UNC80: variants seen among roughly 807,000 people sequenced by gnomAD.
UNC80 encodes protein unc-80 homolog.
A neutral mutation model predicts 384.6 loss-of-function variants in UNC80; 164 were observed. The ratio of observed to expected loss-of-function variants is 0.43; its 90% CI spans 0.38 to 0.49. The LOEUF (loss-of-function observed/expected upper bound fraction) is 0.49. Among genes scored for constraint, UNC80 ranks in the 20% least tolerant of loss-of-function variants. The pLI is 0.00. For missense variants in UNC80, 3,330 were observed against 4,143.0 expected (o/e 0.80, Z 5.39); for synonymous variants, 1,486 against 1,527.8 (o/e 0.97, Z 0.64).
chr2:209,881,217 T>G (rs1229256003), intron 25 of UNC80, 123 bp downstream of exon 25: 1 of 1,124,588 alleles, frequency 8.9e-7, no homozygotes, highest in Non-Finnish European at 1.2e-6. Context: ...ATTTTAAAAA[T>G]TCAACCAAGG....
intron 28 of UNC80, among the ~76,000 whole-genome samples, chr2:209,898,301 T>TA (rs1436423149): frequency 6.6e-6 from 1 of 152,256 alleles, no homozygotes; most frequent in East Asian, 1.9e-4. Flanking sequence ...TTGACACGGA[T>TA]ACTCAGATGA....
intron 48 of UNC80, 153 bp downstream of exon 48, chr2:209,954,423 G>T: frequency 1.7e-6 from 1 of 592,078 alleles, no homozygotes; most frequent in Non-Finnish European, 2.6e-6. Context: ...TTATAACTGT[G>T]AACAGTTCGT....
At chr2:209,816,724 T>G (rs2079766450) in intron 9 of UNC80, among the ~76,000 whole-genome samples, 185 bp from the exon 10 acceptor site, 1 of 152,196 alleles carries the variant, frequency 6.6e-6, no homozygotes, top group African/African-American at 2.4e-5. Context: ...GCCTTTTACT[T>G]AGTTTCTTTC....
At chr2:209,817,783 C>T in intron 10 of UNC80, 29 bp from the exon 11 acceptor site, 1 of 1,550,962 alleles carries the variant, frequency 6.4e-7, no homozygotes, top group Non-Finnish European at 8.7e-7. Flanking sequence ...TTTTAAAACC[C>T]TCTTGTGGGG....
intron 61 of UNC80, among the ~76,000 whole-genome samples, chr2:209,991,579 T>C (rs1441112940): frequency 6.6e-6 from 1 of 152,212 alleles, no homozygotes; most frequent in Non-Finnish European, 1.5e-5. Context: ...AGCTATACTT[T>C]GCCAGCCTTT....
Position 209,833,299 on chromosome 2 carries a change from C to T in UNC80, c.2776-703C>T, listed in dbSNP as rs565218065. Among the ~76,000 whole-genome samples, 285 of 140,576 alleles carry T rather than the reference C, an allele frequency of 2.0e-3. 2 individuals carry two copies. Among genetic ancestry groups the T allele is most frequent in the African/African-American group, 7.3e-3 (265 of 36,360 alleles). 92.2% of individuals were successfully genotyped at this position (140,576 alleles called of 152,430 possible). A position where few individuals can be genotyped will look rare whatever the true frequency, so the allele number is the denominator to read the frequency against. The stretch of plus-strand genomic sequence containing the variant: ...GGCAAAAAAAAAAAAAAAAAAAATA[C>T]AGTAACTACCTTCTTCATGAGCAGA... On this transcript the variant is annotated intron_variant, in intron 16 of 64. Transcript: ENST00000673920.
chr2:209,977,081 G>A lies in UNC80; in HGVS notation c.8938+3G>A. On this transcript the variant is annotated splice_donor_region_variant and intron_variant, in intron 58 of 64. Coordinates refer to ENST00000673920, the MANE Select transcript of UNC80 (RefSeq NM_001371986.1). ...AGAGGCAGTTCATAGTGGATCAGGT[G>A]AGTGTGCATGAGAGTGTTGTGAATT... 6.7e-7 allele frequency: 1 copy of A among 1,491,040 alleles called. No individual in the cohort carries two copies. 92.4% of individuals were successfully genotyped at this position (1,491,040 alleles called of 1,614,324 possible). A position where few individuals can be genotyped will look rare whatever the true frequency, so the allele number is the denominator to read the frequency against.
At chr2:209,828,445 T>C (rs2153828366) in intron 14 of UNC80, among the ~76,000 whole-genome samples, 1 of 152,274 alleles carries the variant, frequency 6.6e-6, no homozygotes, top group Middle Eastern at 3.4e-3. Flanking sequence ...GATGGAGAGA[T>C]TATAACAAAG....
At chr2:209,940,443 C>T (rs1037628672) in intron 43 of UNC80, among the ~76,000 whole-genome samples, 1 of 152,180 alleles carries the variant, frequency 6.6e-6, no homozygotes, top group Non-Finnish European at 1.5e-5. Flanking sequence ...ACTTTGGAGC[C>T]TCGCTCTGTT....
rs756075401 is a variant in UNC80, at chr2:209,786,085, G to A, written c.620G>A (p.Arg207His). 4 of 1,613,634 alleles carry A rather than the reference G, an allele frequency of 2.5e-6. No individual in the cohort carries two copies. The highest frequency in any genetic ancestry group is 2.2e-5 in the East Asian group (1 of 44,884). ...CCCTAGGAATCTGACCTCACCTTCC[G>A]TCTGGCCAGTGGGCTTGTTATATGG... ...HRIKESDLTF[R>H]LASGLVIWQP... The change falls in exon 5 of 65, where the codon CGT (arginine) becomes CAT (histidine). Residue 207 changes from arginine (R) to histidine (H), a missense_variant. Arg to His is a conservative substitution (Grantham distance 29). Coordinates refer to ENST00000673920, the MANE Select transcript of UNC80 (RefSeq NM_001371986.1).
intron 51 of UNC80, among the ~76,000 whole-genome samples, chr2:209,964,943 CTGAA>C (rs2092702580): frequency 6.6e-6 from 1 of 151,970 alleles, no homozygotes; most frequent in Admixed American, 6.6e-5. Flanking sequence ...TGAAAACTGA[CTGAA>C]TATTTGGGTT....
In UNC80 at chr2:209,854,964, A is replaced by G. The variant is rs187086559; in HGVS notation, c.3627+5341A>G. ...TTACTGGGTATATACCCAAAGGACT[A>G]TAAGTCATTCTACTGTAAAAACACA... On this transcript the variant is annotated intron_variant, in intron 22 of 64. Transcript: ENST00000673920. 3.2e-3 allele frequency among the ~76,000 whole-genome samples: 486 copies of G among 152,354 alleles called. 4 individuals carry two copies. Among genetic ancestry groups the G allele is most frequent in the Non-Finnish European group, 5.1e-3 (347 of 68,022 alleles).
At chr2:209,783,198 G>C (rs530229396) in intron 4 of UNC80, among the ~76,000 whole-genome samples, 1 of 152,132 alleles carries the variant, frequency 6.6e-6, no homozygotes, top group Non-Finnish European at 1.5e-5. Flanking sequence ...TTGCCTCTAC[G>C]TGTACTTACA....
intron 24 of UNC80, among the ~76,000 whole-genome samples, chr2:209,879,454 C>T (rs959756601): frequency 1.3e-5 from 2 of 152,116 alleles, no homozygotes; most frequent in African/African-American, 4.8e-5. Flanking sequence ...AGGTAGAACT[C>T]AATCCTTGTT....
At chr2:209,838,600 T>C (rs898667797) in intron 18 of UNC80, among the ~76,000 whole-genome samples, 1 of 152,182 alleles carries the variant, frequency 6.6e-6, no homozygotes, top group Non-Finnish European at 1.5e-5. Flanking sequence ...TCAAGTATGA[T>C]ACTATACTGG....
chr2:209,870,401 A>G (rs2084192399), intron 22 of UNC80, among the ~76,000 whole-genome samples: 1 of 152,180 alleles, frequency 6.6e-6, no homozygotes. Context: ...AAGAATGTAG[A>G]TATTTAGTCT....
chr2:209,977,949 G>A lies in UNC80; in HGVS notation c.8939-580G>A, dbSNP rs371894302. ...TTTTATTGTTCTTTGCAGACAATGT[G>A]GTAAAAACAAAAAATTGACAGGTAT... On this transcript the variant is annotated intron_variant, in intron 58 of 64. Transcript: ENST00000673920. Among the ~76,000 whole-genome samples the A allele has an allele frequency of 2.4e-4, 37 of 152,056 alleles. No homozygotes were observed. The East Asian group carries it at 4.4e-3, about 18-fold the overall frequency.
intron 51 of UNC80, among the ~76,000 whole-genome samples, chr2:209,966,113 T>G (rs1442572726): frequency 6.6e-6 from 1 of 152,118 alleles, no homozygotes; most frequent in Non-Finnish European, 1.5e-5. Flanking sequence ...TGTCCTACAT[T>G]CCAGTTCCAT....
At chr2:209,854,608 A>G (rs1424428667) in intron 22 of UNC80, among the ~76,000 whole-genome samples, 3 of 151,374 alleles carry the variant, frequency 2.0e-5, no homozygotes, top group Non-Finnish European at 3.0e-5. Context: ...AATTTACAAG[A>G]AAAAAAACAT....
Sources: gnomAD v4.1 joint callset for allele counts (sites outside exome capture counted in the v4.1 genomes callset) on GRCh38, gnomAD v4.1.1 for gene constraint, MANE v1.5 for transcripts, NCBI Gene and HGNC (gene_info 2026-07-23, HGNC 2026-07-21) for gene names.